The following FRMPD3 variants were observed in gnomAD, a reference collection of about 807,000 sequenced individuals.
FRMPD3 encodes FERM and PDZ domain containing 3, also known as FERM and PDZ domain-containing protein 3.
Under a neutral mutation model 97.9 loss-of-function variants are expected in FRMPD3, and 42 were observed. That is an observed-to-expected ratio of 0.43 (90% CI 0.34 to 0.55). The LOEUF (loss-of-function observed/expected upper bound fraction) is 0.55, where lower values mean the gene tolerates loss of function less well. Ranked by LOEUF, FRMPD3 falls within the 20% of genes least tolerant of loss-of-function variation. The pLI is 0.03. For missense variants in FRMPD3, 1,303 were observed against 1,457.7 expected (o/e 0.89, Z 1.73); for synonymous variants, 577 against 581.1 (o/e 0.99, Z 0.10).
intron 13 of FRMPD3, among the ~76,000 whole-genome samples, chrX:107,586,193 T>G (rs185960273): frequency 2.8e-3 from 317 of 111,935 alleles, no homozygotes; most frequent in Non-Finnish European, 5.0e-3. Flanking sequence ...GTCCAGGAAT[T>G]TATCCATTTC....
At chrX:107,497,987 C>T (rs1035487860) in intron 1 of FRMPD3, among the ~76,000 whole-genome samples, 3 of 111,496 alleles carry the variant, frequency 2.7e-5, no homozygotes, top group Non-Finnish European at 5.7e-5. Flanking sequence ...CACTGCTCCC[C>T]GATCTTACCT....
chrX:107,478,334 A>G (rs1921254205), intron 1 of FRMPD3, among the ~76,000 whole-genome samples: 1 of 111,655 alleles, frequency 9.0e-6, no homozygotes, highest in Non-Finnish European at 1.9e-5. Flanking sequence ...TTTGTTTTAC[A>G]TATAAGGAAA....
intron 13 of FRMPD3, among the ~76,000 whole-genome samples, chrX:107,588,028 G>T (rs1035888279): frequency 2.7e-5 from 3 of 111,127 alleles, no homozygotes; most frequent in Admixed American, 9.6e-5. Flanking sequence ...ACCCACCTCG[G>T]CCTCCCAAAG....
intron 1 of FRMPD3, chrX:107,525,732 T>C: frequency 1.9e-6 from 1 of 539,563 alleles, no homozygotes; most frequent in East Asian, 3.3e-5. Context: ...TATATGCTAC[T>C]TAAATCATTT....
chrX:107,560,896 T>G (rs1395530007), intron 10 of FRMPD3, 43 bp downstream of exon 10: 2 of 1,153,175 alleles, frequency 1.7e-6, no homozygotes, highest in Non-Finnish European at 2.3e-6. Flanking sequence ...CAGGCACTAC[T>G]GGCCACAGGG....
chrX:107,547,378 C>T lies in FRMPD3; in HGVS notation c.402+1537C>T, dbSNP rs907583479. Among the ~76,000 whole-genome samples the T allele has an allele frequency of 1.8e-4, 20 of 110,730 alleles. 1 individual carries two copies. Among genetic ancestry groups the T allele is most frequent in the Non-Finnish European group, 3.8e-5 (2 of 52,870 alleles). The stretch of plus-strand genomic sequence containing the variant: ...TCTTCTCTTCCTCTCCCTTCTACTT[C>T]CCCTTCTCCACTTTCTCCTTCTTCC... On this transcript the variant is annotated intron_variant, in intron 5 of 14. Coordinates refer to ENST00000683843, the MANE Select transcript of FRMPD3 (RefSeq NM_001388459.1).
intron 1 of FRMPD3, among the ~76,000 whole-genome samples, chrX:107,460,817 G>T (rs1931457242): frequency 1.8e-5 from 2 of 111,524 alleles, no homozygotes; most frequent in Admixed American, 1.9e-4. Context: ...AGGGTCCTGT[G>T]TGCCGCACTG....
At chrX:107,506,980 G>A (rs1241713020) in intron 1 of FRMPD3, among the ~76,000 whole-genome samples, 1 of 111,330 alleles carries the variant, frequency 9.0e-6, no homozygotes, top group Non-Finnish European at 1.9e-5. Context: ...CCGGGCAGCA[G>A]CCCAGCCCCG....
chrX:107,491,889 G>A (rs942068863), intron 1 of FRMPD3, among the ~76,000 whole-genome samples: 25 of 109,347 alleles, frequency 2.3e-4, no homozygotes, highest in African/African-American at 7.6e-4. Flanking sequence ...TCTTCCCTTC[G>A]TGGTTTTTTT....
chrX:107,464,814 GCATCT>G (rs901940179), intron 1 of FRMPD3, among the ~76,000 whole-genome samples: 7 of 111,906 alleles, frequency 6.3e-5, no homozygotes, highest in Non-Finnish European at 1.3e-4. Context: ...AGGTTGATGA[GCATCT>G]CAGCTATTTT....
rs768963887 is a variant in FRMPD3 at position 107,591,137 on chromosome X, ATTTC to A, written c.1442-6160_1442-6157del. Among the ~76,000 whole-genome samples, 561 of 106,253 alleles carry A rather than the reference ATTTC, an allele frequency of 5.3e-3. 4 individuals are homozygous for A. Among genetic ancestry groups the A allele is most frequent in the African/African-American group, 8.5e-3 (247 of 29,148 alleles). 92.3% of individuals were successfully genotyped at this position (106,253 alleles called of 115,157 possible). On this transcript the variant is annotated intron_variant, in intron 13 of 14. Transcript: ENST00000683843. ...TTGAATCAGTTTTGGCAAATTGTAT[ATTTC>A]TTTCTTTCTTTCTTTCTTTCTTTTT...
chrX:107,565,127 A>G (rs1033620561), intron 12 of FRMPD3, 61 bp downstream of exon 12: 1 of 1,011,533 alleles, frequency 9.9e-7, no homozygotes, highest in East Asian at 3.2e-5. Context: ...TAGAGGAAGA[A>G]GTAAACTTGA....
chrX:107,563,166 C>A lies in FRMPD3; in HGVS notation c.1082C>A (p.Thr361Asn). Reference sequence around the variant, plus strand: ...CTACGAATTCTGAATGAACTTCCTACCTTCACGGGCGTTTTGTTCAACACT... The same window carrying A: ...CTACGAATTCTGAATGAACTTCCTAACTTCACGGGCGTTTTGTTCAACACT... ...QYLRILNELP[T>N]FTGVLFNTVG... Residue 361 changes from threonine to asparagine, a missense_variant, in exon 11 of 15, where the codon ACC becomes AAC. Physicochemically the swap from Thr to Asn is moderately conservative, Grantham distance 65. This residue lies in a region of FRMPD3 where 535 missense variants were observed against 618.6 expected (regional missense o/e 0.86). Coordinates refer to ENST00000683843, the MANE Select transcript of FRMPD3 (RefSeq NM_001388459.1). 1.7e-6 allele frequency: 2 copies of A among 1,209,859 alleles called. No individual in the cohort carries two copies. The highest frequency in any genetic ancestry group is 2.2e-6 in the Non-Finnish European group (2 of 894,722).
intron 1 of FRMPD3, among the ~76,000 whole-genome samples, chrX:107,467,023 T>TGA (rs1556151770): frequency 0.014 from 1,398 of 98,305 alleles, 19 homozygotes; most frequent in African/African-American, 0.049. Flanking sequence ...TGTGTGTGTG[T>TGA]GAGAGAGAGA....
intron 13 of FRMPD3, among the ~76,000 whole-genome samples, chrX:107,596,963 G>C (rs1220858364): frequency 9.0e-6 from 1 of 111,607 alleles, no homozygotes; most frequent in Admixed American, 9.5e-5. Context: ...TGGGACATAC[G>C]TTTACAGCTG....
intron 12 of FRMPD3, among the ~76,000 whole-genome samples, chrX:107,566,138 C>A (rs1009561071): frequency 8.9e-6 from 1 of 112,916 alleles, no homozygotes; most frequent in African/African-American, 3.2e-5. Context: ...CCCTCCACAG[C>A]TCTCCTGTTT....
chrX:107,586,045 G>T (rs779261128), intron 13 of FRMPD3, among the ~76,000 whole-genome samples: 3 of 112,122 alleles, frequency 2.7e-5, no homozygotes, highest in Admixed American at 9.5e-5. Flanking sequence ...ACCTCTGGTA[G>T]AATTTGGCTG....
chrX:107,561,266 A>G (rs1204196072), intron 10 of FRMPD3, among the ~76,000 whole-genome samples: 1 of 111,991 alleles, frequency 8.9e-6, no homozygotes, highest in African/African-American at 3.2e-5. Context: ...TGGGAGGCCA[A>G]AGCAGGAAGA....
intron 14 of FRMPD3, among the ~76,000 whole-genome samples, chrX:107,599,500 G>A (rs1485702525): frequency 2.7e-5 from 3 of 111,148 alleles, no homozygotes; most frequent in East Asian, 2.8e-4. Flanking sequence ...TGAGTCCCAC[G>A]TGGCTGCTGG....
Sources: allele counts gnomAD v4.1 joint callset (sites outside exome capture counted in the v4.1 genomes callset), GRCh38; gene constraint gnomAD v4.1.1; regional missense constraint gnomAD v4.1.1; transcripts MANE v1.5; gene names NCBI Gene and HGNC (gene_info 2026-07-23, HGNC 2026-07-21).